The following GNAZ variants were observed in gnomAD, a reference collection of about 807,000 sequenced individuals.
GNAZ encodes guanine nucleotide-binding protein G(z) subunit alpha.
A neutral mutation model predicts 25.4 loss-of-function variants in GNAZ; 3 were observed. That is an observed-to-expected ratio of 0.12 (90% CI 0.05 to 0.30). GNAZ has a LOEUF of 0.30. Among genes scored for constraint, GNAZ ranks in the 10% least tolerant of loss-of-function variants. The pLI is 1.00. For missense variants in GNAZ, 241 were observed against 501.8 expected, an observed-to-expected ratio of 0.48 and a Z score of 4.97; for synonymous variants, 211 against 205.7, an observed-to-expected ratio of 1.03 and a Z score of -0.22.
chr22:23,118,472 G>A (rs991832091), intron 2 of GNAZ, among the ~76,000 whole-genome samples: 2 of 141,930 alleles, frequency 1.4e-5, no homozygotes, highest in Admixed American at 7.0e-5. Flanking sequence ...CCTCTTCCCC[G>A]CCCCGCCCCA....
intron 2 of GNAZ, among the ~76,000 whole-genome samples, chr22:23,113,199 T>C (rs1243834569): frequency 6.6e-6 from 1 of 152,218 alleles, no homozygotes; most frequent in Non-Finnish European, 1.5e-5. Context: ...TGACGTTGGC[T>C]AAACTGCATC....
chr22:23,088,155 G>T (rs1438969034), intron 1 of GNAZ, among the ~76,000 whole-genome samples: 1 of 152,204 alleles, frequency 6.6e-6, no homozygotes, highest in Non-Finnish European at 1.5e-5. Context: ...TTGTAAAGGC[G>T]GTTTCAAGCT....
intron 2 of GNAZ, among the ~76,000 whole-genome samples, chr22:23,113,722 C>T (rs1055581160): frequency 3.9e-5 from 6 of 152,226 alleles, no homozygotes; most frequent in South Asian, 4.1e-4. Context: ...GGGGCCCACT[C>T]GCCCTCTCCC....
At chr22:23,096,538 C>T in intron 2 of GNAZ, 120 bp downstream of exon 2, 1 of 1,043,996 alleles carries the variant, frequency 9.6e-7, no homozygotes, top group Non-Finnish European at 1.4e-6. Context: ...GCAGGCCTGG[C>T]CCTGCTGCAC....
At chr22:23,084,832 G>A (rs555365164) in intron 1 of GNAZ, among the ~76,000 whole-genome samples, 11 of 152,340 alleles carry the variant, frequency 7.2e-5, no homozygotes, top group East Asian at 3.9e-4. Flanking sequence ...GAGTGTGGGC[G>A]TGGACACCAA....
chr22:23,094,908 CA>C (rs1377779490), intron 1 of GNAZ, among the ~76,000 whole-genome samples: 1 of 152,254 alleles, frequency 6.6e-6, no homozygotes, highest in Admixed American at 6.5e-5. Flanking sequence ...AGAAGGGCCC[CA>C]GGGGGCATCA....
intron 1 of GNAZ, among the ~76,000 whole-genome samples, chr22:23,091,477 T>C (rs976982232): frequency 6.2e-5 from 9 of 144,462 alleles, no homozygotes; most frequent in African/African-American, 2.1e-4. Context: ...CACACCGCAA[T>C]GGACCTGCAC....
rs200211352 is a variant in GNAZ at position 23,120,414 on chromosome 22, C to T, written c.724-2673C>T. On this transcript the variant is annotated intron_variant, in intron 2 of 2. Transcript: ENST00000615612. ...CTCCCACTGCTGCCAGCTGAGCTCTCCCTACACACAGGTGCCCTGCAGAGG... is the reference window on the plus strand; with the variant it reads ...CTCCCACTGCTGCCAGCTGAGCTCTTCCTACACACAGGTGCCCTGCAGAGG... 3.9e-5 allele frequency among the ~76,000 whole-genome samples: 6 copies of T among 152,266 alleles called. No homozygotes were observed. In the East Asian group the frequency reaches 1.2e-3, roughly 29 times the overall value.
At chr22:23,076,062 G>C (rs1263950312) in intron 1 of GNAZ, among the ~76,000 whole-genome samples, 1 of 152,202 alleles carries the variant, frequency 6.6e-6, no homozygotes, top group African/African-American at 2.4e-5. Context: ...AGGAAGGGTG[G>C]CTGAGGAGGA....
At chr22:23,104,710 G>A (rs542631895) in intron 2 of GNAZ, among the ~76,000 whole-genome samples, 2 of 152,310 alleles carry the variant, frequency 1.3e-5, no homozygotes, top group South Asian at 2.1e-4. Flanking sequence ...AACCAGTGTA[G>A]ATGGGGGGAT....
chr22:23,094,809 G>A (rs1190954454), intron 1 of GNAZ, among the ~76,000 whole-genome samples: 1 of 152,244 alleles, frequency 6.6e-6, no homozygotes, highest in Non-Finnish European at 1.5e-5. Flanking sequence ...ATGAGAGTCA[G>A]GGAGGCGCTC....
At chr22:23,101,880 G>A (rs739362) in intron 2 of GNAZ, among the ~76,000 whole-genome samples, 2 of 152,060 alleles carry the variant, frequency 1.3e-5, no homozygotes, top group African/African-American at 2.4e-5. Context: ...ATGGCACCTC[G>A]CATGGCAGGC....
intron 1 of GNAZ, among the ~76,000 whole-genome samples, chr22:23,091,886 C>T (rs2068990628): frequency 6.6e-6 from 1 of 152,196 alleles, no homozygotes; most frequent in African/African-American, 2.4e-5. Flanking sequence ...AGTCCAGCCA[C>T]TCTGACCTTC....
At chr22:23,099,226 G>C (rs2069221987) in intron 2 of GNAZ, among the ~76,000 whole-genome samples, 1 of 152,268 alleles carries the variant, frequency 6.6e-6, no homozygotes, top group Non-Finnish European at 1.5e-5. Context: ...GGGTGTGAGG[G>C]CTGCAGTGAG....
chr22:23,092,272 A>C (rs1370434667), intron 1 of GNAZ, among the ~76,000 whole-genome samples: 4 of 152,208 alleles, frequency 2.6e-5, no homozygotes, highest in African/African-American at 9.7e-5. Context: ...CAAGCCTCAG[A>C]ATAGGTGGGA....
chr22:23,077,925 C>A (rs2068551026), intron 1 of GNAZ, among the ~76,000 whole-genome samples: 1 of 152,214 alleles, frequency 6.6e-6, no homozygotes, highest in Non-Finnish European at 1.5e-5. Context: ...GTGGCCAGGC[C>A]AGGGGAGGAG....
chr22:23,080,002 G>A (rs986491567), intron 1 of GNAZ, among the ~76,000 whole-genome samples: 2 of 152,176 alleles, frequency 1.3e-5, no homozygotes, highest in Admixed American at 6.5e-5. Flanking sequence ...TCAAGTGAGG[G>A]TTTGATGGAG....
intron 1 of GNAZ, among the ~76,000 whole-genome samples, chr22:23,090,801 C>G (rs1294559189): frequency 6.6e-6 from 1 of 152,220 alleles, no homozygotes; most frequent in East Asian, 1.9e-4. Flanking sequence ...CACTGGGCAC[C>G]TTCTGCCACT....
chr22:23,078,990 C>T (rs2068593240), intron 1 of GNAZ, among the ~76,000 whole-genome samples: 1 of 152,194 alleles, frequency 6.6e-6, no homozygotes, highest in Non-Finnish European at 1.5e-5. Context: ...CCCAACTATC[C>T]CCTCCGTGAG....
Sources: allele counts gnomAD v4.1 joint callset (sites outside exome capture counted in the v4.1 genomes callset), GRCh38; gene constraint gnomAD v4.1.1; transcripts MANE v1.5; gene names NCBI Gene and HGNC (gene_info 2026-07-23, HGNC 2026-07-21).